TENM3: variants seen among roughly 807,000 people sequenced by gnomAD.
TENM3 encodes teneurin-3.
TENM3 carries 63 observed loss-of-function variants against 255.1 expected under a neutral mutation model. The observed-to-expected ratio is 0.25, with a 90% CI of 0.20 to 0.30. TENM3 has a LOEUF of 0.30. TENM3 is among the 10% of genes least tolerant of loss of function. The pLI is 1.00. For missense variants in TENM3, 2,929 were observed against 3,461.1 expected, an observed-to-expected ratio of 0.85 and a Z score of 3.86; for synonymous variants, 1,306 against 1,322.3, an observed-to-expected ratio of 0.99 and a Z score of 0.27.
chr4:181,552,022 G>T, the TENM3 span, among the ~76,000 whole-genome samples: 1 of 151,968 alleles, frequency 6.6e-6, no homozygotes, highest in African/African-American at 2.4e-5. Context: ...TGTTTATGTG[G>T]GGTGGGAGGA....
intron 3 of TENM3, chr4:182,448,977 C>G (rs1773192529): frequency 5.0e-6 from 2 of 398,952 alleles, no homozygotes; most frequent in African/African-American, 2.2e-5. Flanking sequence ...CCGCGCGCAG[C>G]CCGAGCCCGG....
In TENM3 at chr4:182,801,954, T is replaced by A. The variant is rs1312316224; in HGVS notation, c.*1603T>A. ...CGAAAATATTTTTAGAAGATATTTC[T>A]CAGTTCATCGAGCTATAGTACACAC... is the stretch of plus-strand genomic sequence containing the variant. On this transcript the variant is annotated 3_prime_UTR_variant, in exon 28 of 28. Transcript: ENST00000511685. 6.5e-6 allele frequency: 1 copy of A among 152,700 alleles called. No homozygotes were observed. The highest frequency in any genetic ancestry group is 1.5e-5 in the Non-Finnish European group (1 of 68,050). The allele number at this position is 152,700 out of a possible 1,614,324, so 9.5% of individuals were successfully genotyped here.
At chr4:182,783,190 G>T (rs901461099) in intron 24 of TENM3, among the ~76,000 whole-genome samples, 1 of 152,178 alleles carries the variant, frequency 6.6e-6, no homozygotes, top group Non-Finnish European at 1.5e-5. Flanking sequence ...GCAGCAGCTG[G>T]TACTGGTTGT....
the TENM3 span, among the ~76,000 whole-genome samples, chr4:181,686,335 ATCT>A: frequency 6.6e-6 from 1 of 152,288 alleles, no homozygotes; most frequent in South Asian, 2.1e-4. Context: ...TACTTTCGAA[ATCT>A]TCTTAGTTCG....
chr4:182,289,061 C>CAA lies in TENM3; in HGVS notation c.-75-34875_-75-34874dup, dbSNP rs111654239. On this transcript the variant is annotated intron_variant, in intron 1 of 27. Coordinates refer to ENST00000511685, the MANE Select transcript of TENM3 (RefSeq NM_001080477.4). ...GCAACACAGCAAGACCCTGTCTTGGCAAAAAAAAAAATTTAAAAATTAGCC... is the reference window on the plus strand; with the variant it reads ...GCAACACAGCAAGACCCTGTCTTGGCAAAAAAAAAAAAATTTAAAAATTAGCC... 3.7e-3 allele frequency among the ~76,000 whole-genome samples: 525 copies of CAA among 142,560 alleles called. 4 individuals carry two copies. Among genetic ancestry groups the CAA allele is most frequent in the African/African-American group, 0.013 (497 of 39,038 alleles). The allele number at this position is 142,560 out of a possible 152,430, so 93.5% of individuals were successfully genotyped here.
At chr4:182,384,962 A>G (rs1767810095) in intron 3 of TENM3, among the ~76,000 whole-genome samples, 2 of 152,172 alleles carry the variant, frequency 1.3e-5, no homozygotes, top group African/African-American at 2.4e-5. Flanking sequence ...GTCTGGCCTC[A>G]GTGCTGGGGA....
the TENM3 span, among the ~76,000 whole-genome samples, chr4:182,091,888 A>C: frequency 6.2e-4 from 95 of 152,294 alleles, no homozygotes; most frequent in Non-Finnish European, 3.1e-4. Context: ...TTGATAAATA[A>C]CCAGCACACA....
the TENM3 span, among the ~76,000 whole-genome samples, chr4:181,477,769 T>C: frequency 1.3e-5 from 2 of 152,212 alleles, no homozygotes; most frequent in Non-Finnish European, 2.9e-5. Flanking sequence ...TATTTGGGTG[T>C]GATTCATTGT....
At chr4:181,712,810 G>A in the TENM3 span, among the ~76,000 whole-genome samples, 19 of 151,982 alleles carry the variant, frequency 1.3e-4, no homozygotes, top group Admixed American at 9.8e-4. Context: ...TAAAAATTGT[G>A]GAAAATCAGT....
the TENM3 span, among the ~76,000 whole-genome samples, chr4:181,514,509 T>G: frequency 6.6e-6 from 1 of 152,308 alleles, no homozygotes; most frequent in East Asian, 1.9e-4. Flanking sequence ...TTATAAAAAT[T>G]TAAGAGATTT....
rs556896003 is a variant in TENM3, at chr4:182,153,834, C to A, written c.-76+9080C>A. 3.3e-5 allele frequency among the ~76,000 whole-genome samples: 5 copies of A among 152,040 alleles called. No homozygotes were observed. The South Asian group carries it at 8.3e-4, about 25-fold the overall frequency. ...ACTGAAACAAATCATGAATGTATCA[C>A]GTATTTCATGTAAATGTGATGTAAG... On this transcript the variant is annotated intron_variant, in intron 1 of 2. Coordinates refer to the TENM3 transcript ENST00000512480.
At chr4:181,744,508 A>G in the TENM3 span, among the ~76,000 whole-genome samples, 4 of 152,172 alleles carry the variant, frequency 2.6e-5, no homozygotes, top group African/African-American at 9.6e-5. Context: ...GCTTTTTAAT[A>G]ACTAATAGCT....
At chr4:182,631,543 C>T (rs2152474853) in intron 5 of TENM3, 1 of 152,328 alleles carries the variant, frequency 6.6e-6, no homozygotes, top group Middle Eastern at 3.4e-3. Context: ...GGACACTTCT[C>T]TCAGGGAAGG....
intron 3 of TENM3, among the ~76,000 whole-genome samples, chr4:182,360,505 T>C (rs1765886151): frequency 4.0e-5 from 6 of 149,836 alleles, no homozygotes; most frequent in Admixed American, 2.0e-4. Context: ...TGATCTTTGT[T>C]GGTTTAAAGT....
the TENM3 span, among the ~76,000 whole-genome samples, chr4:181,877,616 G>C: frequency 6.6e-6 from 1 of 152,118 alleles, no homozygotes; most frequent in Non-Finnish European, 1.5e-5. Flanking sequence ...GCAGCTCCAT[G>C]ATGTCACTGG....
intron 22 of TENM3, among the ~76,000 whole-genome samples, chr4:182,758,345 G>T (rs1762880188): frequency 6.6e-6 from 1 of 152,092 alleles, no homozygotes; most frequent in Middle Eastern, 3.2e-3. Flanking sequence ...GAAAAGGGTG[G>T]GGGGAGGTGT....
the TENM3 span, among the ~76,000 whole-genome samples, chr4:181,625,465 G>A: frequency 3.9e-5 from 6 of 152,092 alleles, 1 homozygote; most frequent in South Asian, 6.2e-4. Context: ...GCCTGCTTGC[G>A]GAGCACGTGA....
intron 1 of TENM3, among the ~76,000 whole-genome samples, chr4:182,168,884 A>G (rs1201918649): frequency 6.6e-6 from 1 of 152,088 alleles, no homozygotes; most frequent in Non-Finnish European, 1.5e-5. Flanking sequence ...AAATTCATGT[A>G]TATGTTCTGA....
chr4:181,991,328 C>T, the TENM3 span, among the ~76,000 whole-genome samples: 2 of 152,104 alleles, frequency 1.3e-5, no homozygotes, highest in African/African-American at 2.4e-5. Context: ...CCAGTGTTAG[C>T]GCTCAGGTTC....
Sources: allele counts gnomAD v4.1 joint callset (sites outside exome capture counted in the v4.1 genomes callset), GRCh38; gene constraint gnomAD v4.1.1; transcripts MANE v1.5; gene names NCBI Gene and HGNC (gene_info 2026-07-23, HGNC 2026-07-21).